CEP72: variants seen among roughly 807,000 people sequenced by gnomAD.
CEP72 encodes the protein centrosomal protein 72.
Under a neutral mutation model 65.7 loss-of-function variants are expected in CEP72, and 78 were observed. That is an observed-to-expected ratio of 1.19 (90% confidence interval 0.99 to 1.43). The LOEUF is 1.43. Ranked by LOEUF, CEP72 falls within the 40% of genes most tolerant of loss-of-function variation. CEP72 has a pLI of 0.00. For synonymous variants in CEP72, 358 were observed against 351.7 expected (o/e 1.02, Z -0.20); for missense variants, 914 against 832.9 (o/e 1.10, Z -1.20).
At chr5:627,918 C>A (rs909160878) in intron 4 of CEP72, among the ~76,000 whole-genome samples, 1 of 152,338 alleles carries the variant, frequency 6.6e-6, no homozygotes, top group East Asian at 1.9e-4. Flanking sequence ...CCGCCATTCA[C>A]GCTGCTGACC....
chr5:612,444 G>A lies in CEP72; in HGVS notation c.82+1G>A, dbSNP rs1461687916. On this transcript the variant is annotated splice_donor_variant, in intron 1 of 11. Coordinates refer to ENST00000264935, the MANE Select transcript of CEP72 (RefSeq NM_018140.4). LOFTEE classifies it high-confidence loss of function. The stretch of plus-strand genomic sequence containing the variant: ...GGCTTAGGGCCTCACCGCGACCTGG[G>A]TGCGCCGGAGGGCGGGCGGGGGTGC... The A allele has an allele frequency of 4.1e-6, 6 of 1,450,180 alleles. No individual in the cohort carries two copies. In the African/African-American group the frequency reaches 5.9e-5, roughly 14 times the overall value. 89.8% of individuals were successfully genotyped at this position (1,450,180 alleles called of 1,614,324 possible).
At chr5:673,672 G>A in the CEP72 span, among the ~76,000 whole-genome samples, 8 of 152,214 alleles carry the variant, frequency 5.3e-5, no homozygotes, top group Admixed American at 4.6e-4. Context: ...TGACCCTCAT[G>A]GTCAGCCAAG....
At chr5:617,814 G>A (rs1200209628) in intron 1 of CEP72, among the ~76,000 whole-genome samples, 3 of 152,188 alleles carry the variant, frequency 2.0e-5, no homozygotes, top group Non-Finnish European at 4.4e-5. Flanking sequence ...GCAGTGAGCC[G>A]AGATCGCACC....
chr5:621,639 C>T (rs1360244967), intron 3 of CEP72, among the ~76,000 whole-genome samples: 1 of 152,228 alleles, frequency 6.6e-6, no homozygotes. Flanking sequence ...CTAAGCGCCT[C>T]AGCGAGTAGA....
chr5:637,472 C>A, intron 6 of CEP72, 45 bp from the exon 7 acceptor site: 1 of 1,556,780 alleles, frequency 6.4e-7, no homozygotes, highest in South Asian at 1.2e-5. Context: ...ACACTGCACC[C>A]AGAGAATTTG....
intron 11 of CEP72, among the ~76,000 whole-genome samples, chr5:652,434 G>T (rs1739169700): frequency 6.6e-6 from 1 of 152,192 alleles, no homozygotes; most frequent in South Asian, 2.1e-4. Context: ...AGTGTCCTCA[G>T]GTCATCGCTG....
downstream of CEP72, among the ~76,000 whole-genome samples, chr5:668,619 C>T (rs144082216): frequency 1.2e-4 from 18 of 152,372 alleles, no homozygotes; most frequent in East Asian, 7.7e-4. Context: ...GGCCGAGCAA[C>T]GCGGCAGAGC....
downstream of CEP72, among the ~76,000 whole-genome samples, chr5:668,267 G>T (rs564222822): frequency 3.1e-4 from 8 of 25,738 alleles, no homozygotes; most frequent in African/African-American, 2.7e-3. Flanking sequence ...ACAAGCACAC[G>T]GAGAGGGGTC....
At chr5:673,073 T>C in the CEP72 span, among the ~76,000 whole-genome samples, 1 of 152,114 alleles carries the variant, frequency 6.6e-6, no homozygotes, top group Non-Finnish European at 1.5e-5. Context: ...CGAAGGCCAC[T>C]TCCTCACGGT....
intron 3 of CEP72, 136 bp downstream of exon 3, chr5:620,397 G>A (rs145492410): frequency 2.7e-6 from 2 of 732,694 alleles, no homozygotes; most frequent in Non-Finnish European, 4.5e-6. Context: ...TTCTACGCTG[G>A]TGGCTTGAGT....
downstream of CEP72, among the ~76,000 whole-genome samples, chr5:671,129 A>G (rs1458586197): frequency 6.6e-6 from 1 of 152,062 alleles, no homozygotes; most frequent in East Asian, 1.9e-4. Flanking sequence ...TGGCTACCGA[A>G]GGCTCCCCCC....
intron 7 of CEP72, among the ~76,000 whole-genome samples, chr5:638,281 C>A (rs1051782040): frequency 2.6e-5 from 4 of 152,070 alleles, no homozygotes; most frequent in African/African-American, 9.7e-5. Flanking sequence ...AGGGGAGGAT[C>A]CTGGAGGTCG....
At chr5:626,365 A>G (rs1041564307) in intron 4 of CEP72, among the ~76,000 whole-genome samples, 2 of 152,058 alleles carry the variant, frequency 1.3e-5, no homozygotes, top group African/African-American at 4.8e-5. Context: ...CTGGCCATGG[A>G]TGATAGGTGT....
intron 6 of CEP72, 136 bp from the exon 7 acceptor site, chr5:637,381 T>C (rs1463963002): frequency 4.2e-6 from 3 of 719,072 alleles, no homozygotes; most frequent in Non-Finnish European, 7.2e-6. Context: ...TAGGTGTGCG[T>C]GTACATATGT....
At chr5:637,373 G>GGTGTGCGTGTACATATGTAA (rs1439006749) in intron 6 of CEP72, 144 bp from the exon 7 acceptor site, 5 of 685,940 alleles carry the variant, frequency 7.3e-6, no homozygotes, top group African/African-American at 1.8e-5. Context: ...CACGTGGATA[G>GGTGTGCGTGTACATATGTAA]GTGTGCGTGT....
At chr5:614,002 C>G (rs922016390) in intron 1 of CEP72, among the ~76,000 whole-genome samples, 2 of 152,186 alleles carry the variant, frequency 1.3e-5, no homozygotes, top group Non-Finnish European at 2.9e-5. Context: ...CGGGACATGC[C>G]GAGTCCTCCC....
intron 7 of CEP72, 43 bp from the exon 8 acceptor site, chr5:639,046 C>T: frequency 6.2e-7 from 1 of 1,611,222 alleles, no homozygotes; most frequent in Admixed American, 1.7e-5. Context: ...TTCAGGACCT[C>T]AGTTACTGAC....
intron 4 of CEP72, among the ~76,000 whole-genome samples, chr5:629,453 G>A (rs559856848): frequency 2.1e-5 from 3 of 145,750 alleles, no homozygotes; most frequent in African/African-American, 7.6e-5. Flanking sequence ...GTCCAGTGCC[G>A]GGATTTGACC....
At chr5:620,314 G>A (rs904174718) in intron 3 of CEP72, 53 bp downstream of exon 3, 9 of 1,489,664 alleles carry the variant, frequency 6.0e-6, no homozygotes, top group Admixed American at 5.1e-5. Flanking sequence ...GGGTATGGGA[G>A]TCGGGGAGTC....
Sources: gnomAD v4.1 joint callset for allele counts (sites outside exome capture counted in the v4.1 genomes callset) on GRCh38, gnomAD v4.1.1 for gene constraint, MANE v1.5 for transcripts, NCBI Gene and HGNC (gene_info 2026-07-23, HGNC 2026-07-21) for gene names.